The following PTPRN2 variants were observed in gnomAD, a reference collection of about 807,000 sequenced individuals.
PTPRN2 encodes receptor-type tyrosine-protein phosphatase N2.
A neutral mutation model predicts 118.8 loss-of-function variants in PTPRN2; 74 were observed. The observed-to-expected ratio is 0.62, with a 90% CI of 0.52 to 0.76. The LOEUF (loss-of-function observed/expected upper bound fraction) is 0.76, where lower values mean the gene tolerates loss of function less well. PTPRN2 is among the 30% of genes least tolerant of loss of function. PTPRN2 has a pLI of 0.00. For synonymous variants in PTPRN2, 641 were observed against 608.0 expected, an observed-to-expected ratio of 1.05 and a Z score of -0.80; for missense variants, 1,481 against 1,394.4, an observed-to-expected ratio of 1.06 and a Z score of -0.99.
At chr7:158,008,130 C>T (rs1805788289) in intron 11 of PTPRN2, among the ~76,000 whole-genome samples, 1 of 101,226 alleles carries the variant, frequency 9.9e-6, no homozygotes, top group Non-Finnish European at 2.0e-5. Flanking sequence ...TGGGTGTGTA[C>T]ATGTACACAT....
chr7:158,581,487 G>A (rs1488933898), intron 1 of PTPRN2, among the ~76,000 whole-genome samples: 2 of 152,082 alleles, frequency 1.3e-5, no homozygotes, highest in Non-Finnish European at 1.5e-5. Flanking sequence ...GAATCTATAT[G>A]TAACACAGTA....
At chr7:158,342,079 C>G (rs1806959410) in intron 2 of PTPRN2, among the ~76,000 whole-genome samples, 1 of 134,940 alleles carries the variant, frequency 7.4e-6, no homozygotes, top group Non-Finnish European at 1.6e-5. Context: ...ACACTCTCAC[C>G]AGAAGGGGTG....
At chr7:158,002,283 CTTTATTAAGAG>C (rs1377620742) in intron 11 of PTPRN2, among the ~76,000 whole-genome samples, 1 of 152,216 alleles carries the variant, frequency 6.6e-6, no homozygotes, top group Non-Finnish European at 1.5e-5. Flanking sequence ...TCACTCACCC[CTTTATTAAGAG>C]TTGGTTCTAC....
chr7:157,734,622 C>T (rs769827248), intron 12 of PTPRN2, among the ~76,000 whole-genome samples: 69 of 152,368 alleles, frequency 4.5e-4, no homozygotes, highest in Non-Finnish European at 9.4e-4. Flanking sequence ...TCAGCCGAGA[C>T]GCCCCAAATA....
intron 6 of PTPRN2, among the ~76,000 whole-genome samples, chr7:158,156,742 C>T (rs1342777744): frequency 1.3e-5 from 2 of 152,272 alleles, no homozygotes; most frequent in Non-Finnish European, 2.9e-5. Flanking sequence ...GCCTTCCCTA[C>T]ACCTGCCCTG....
rs1797439940 is a variant in PTPRN2 at position 157,690,791 on chromosome 7, G to A, written c.1789-7854C>T. The stretch of plus-strand genomic sequence containing the variant: ...CTCCAGCAGCAGCGGCTGCGCGGCG[G>A]CACGGGCTCGGAGCCCGCAGGCGCC... On this transcript the variant is annotated intron_variant, in intron 12 of 22. Transcript: ENST00000389418. This position sits in a 1 kb window ranked among gnomAD's most constrained non-coding sequence, Gnocchi z 7.1. Among the ~76,000 whole-genome samples the A allele has an allele frequency of 1.3e-5, 2 of 150,258 alleles. No homozygotes were observed. The highest frequency in any genetic ancestry group is 3.0e-5 in the Non-Finnish European group (2 of 67,448).
At chr7:157,907,320 C>T (rs1483594001) in intron 11 of PTPRN2, among the ~76,000 whole-genome samples, 1 of 151,304 alleles carries the variant, frequency 6.6e-6, no homozygotes, top group Non-Finnish European at 1.5e-5. Context: ...CTCCTTGTCC[C>T]GTGTGTGGGG....
At chr7:158,289,928 G>A (rs565323671) in intron 3 of PTPRN2, among the ~76,000 whole-genome samples, 8 of 152,288 alleles carry the variant, frequency 5.3e-5, no homozygotes, top group African/African-American at 1.9e-4. Flanking sequence ...CCAATGCCTG[G>A]GTTAGCAGGT....
At chr7:157,950,490 A>G (rs1055808140) in intron 11 of PTPRN2, among the ~76,000 whole-genome samples, 2 of 152,130 alleles carry the variant, frequency 1.3e-5, no homozygotes, top group Middle Eastern at 3.4e-3. Context: ...GGGTGGGTCA[A>G]ATGCTCACTG....
chr7:158,218,916 G>A (rs1828147922), intron 3 of PTPRN2, among the ~76,000 whole-genome samples: 1 of 152,022 alleles, frequency 6.6e-6, no homozygotes, highest in African/African-American at 2.4e-5. Context: ...CCAACATTGG[G>A]GCACCCAGAT....
intron 2 of PTPRN2, among the ~76,000 whole-genome samples, chr7:158,437,876 A>G (rs937430707): frequency 6.6e-6 from 1 of 152,196 alleles, no homozygotes; most frequent in Non-Finnish European, 1.5e-5. Context: ...CAGTCTCCTC[A>G]GGGCCTGGTA....
chr7:157,609,392 T>C lies in PTPRN2; in HGVS notation c.2345-5317A>G, dbSNP rs1003565334. 1.4e-4 allele frequency among the ~76,000 whole-genome samples: 21 copies of C among 151,894 alleles called. No homozygotes were observed. The highest frequency in any genetic ancestry group is 4.6e-4 in the African/African-American group (19 of 41,324). On this transcript the variant is annotated intron_variant, in intron 15 of 22. Transcript: ENST00000389418. This position sits in a 1 kb window ranked among gnomAD's most constrained non-coding sequence, Gnocchi z 4.9. ...GAGTGAAACTCTGTCTCAAAAAAAT[T>C]TTTTTTTAAATATAAAAAAAAAGAG...
chr7:158,386,135 C>G, intron 2 of PTPRN2, among the ~76,000 whole-genome samples: 1 of 140,580 alleles, frequency 7.1e-6, no homozygotes, highest in Non-Finnish European at 1.5e-5. Flanking sequence ...CCTCCCATGC[C>G]CCAAGTCCCT....
In PTPRN2 at chr7:158,329,961, G is replaced by C. The variant is rs368981718; in HGVS notation, c.164-13029C>G. 1.4e-4 allele frequency among the ~76,000 whole-genome samples: 21 copies of C among 151,962 alleles called. 1 individual carries two copies. In the South Asian group the frequency reaches 1.5e-3, roughly 11 times the overall value. Reference sequence around the variant, plus strand: ...CCAACTCACAAAATCCTCAGGTCTTGTATGGCGACTCTCACCATAAGAGCT... The same window carrying C: ...CCAACTCACAAAATCCTCAGGTCTTCTATGGCGACTCTCACCATAAGAGCT... On this transcript the variant is annotated intron_variant, in intron 2 of 22. Transcript: ENST00000389418.
rs1196288967 is a variant in PTPRN2, at chr7:158,563,189, T to C, written c.112+24369A>G. ...ACCTCACAGGGAAATTTGTGCCTTC[T>C]CCCAAGGCAGGACCACAAGTTTGCA... is the stretch of plus-strand genomic sequence containing the variant. On this transcript the variant is annotated intron_variant, in intron 1 of 22. Coordinates refer to ENST00000389418, the MANE Select transcript of PTPRN2 (RefSeq NM_002847.5). This position sits in a 1 kb window ranked among gnomAD's most constrained non-coding sequence, Gnocchi z 5.1. 2.0e-5 allele frequency among the ~76,000 whole-genome samples: 3 copies of C among 152,214 alleles called. No individual in the cohort carries two copies. The East Asian group carries it at 5.8e-4, about 29-fold the overall frequency.
At chr7:157,732,934 T>G (rs570253449) in intron 12 of PTPRN2, among the ~76,000 whole-genome samples, 1 of 4,362 alleles carries the variant, frequency 2.3e-4, no homozygotes, top group African/African-American at 1.1e-3. Context: ...TCCCGTCCCA[T>G]GCGCCCAGCA....
chr7:157,724,968 A>G (rs1481133787), intron 12 of PTPRN2, among the ~76,000 whole-genome samples: 1 of 152,254 alleles, frequency 6.6e-6, no homozygotes, highest in Non-Finnish European at 1.5e-5. Flanking sequence ...TATTTTAAAG[A>G]TAATATTAAC....
At chr7:158,072,522 T>C (rs1812023743) in intron 11 of PTPRN2, among the ~76,000 whole-genome samples, 1 of 152,162 alleles carries the variant, frequency 6.6e-6, no homozygotes, top group Admixed American at 6.5e-5. Context: ...AGCAATTGTT[T>C]CCCAAGTGCT....
chr7:157,940,075 T>A (rs1013449427), intron 11 of PTPRN2, among the ~76,000 whole-genome samples: 1 of 152,116 alleles, frequency 6.6e-6, no homozygotes, highest in Non-Finnish European at 1.5e-5. Context: ...GAGGCCCCCG[T>A]TGGTATGACC....
Sources: allele counts gnomAD v4.1 joint callset (sites outside exome capture counted in the v4.1 genomes callset), GRCh38; gene constraint gnomAD v4.1.1; non-coding constraint Gnocchi (gnomAD v3.1); transcripts MANE v1.5; gene names NCBI Gene and HGNC (gene_info 2026-07-23, HGNC 2026-07-21).